BRD9: variants seen among roughly 807,000 people sequenced by gnomAD.
BRD9 encodes bromodomain-containing protein 9.
A neutral mutation model predicts 68.7 loss-of-function variants in BRD9; 47 were observed. The observed-to-expected ratio is 0.68, with a 90% CI of 0.54 to 0.87. The LOEUF is 0.87. BRD9 is among the 40% of genes least tolerant of loss of function. The pLI is 0.00. For missense variants in BRD9, 670 were observed against 748.4 expected, an observed-to-expected ratio of 0.90 and a Z score of 1.22; for synonymous variants, 313 against 293.9, an observed-to-expected ratio of 1.06 and a Z score of -0.67.
At chr5:889,189 C>A in intron 4 of BRD9, 24 bp from the exon 5 acceptor site, 12 of 1,596,932 alleles carry the variant, frequency 7.5e-6, no homozygotes, top group African/African-American at 1.4e-5. Flanking sequence ...CATCTTAAAG[C>A]GGAAAAATCT....
rs775898080 is a variant in BRD9 at position 870,469 on chromosome 5, T to G, written c.1525+4A>C. The G allele has an allele frequency of 2.5e-6, 4 of 1,611,542 alleles. No individual in the cohort carries two copies. The Admixed American group carries it at 6.7e-5, about 27-fold the overall frequency. On this transcript the variant is annotated splice_donor_region_variant and intron_variant, in intron 14 of 15. Coordinates refer to ENST00000467963, the MANE Select transcript of BRD9 (RefSeq NM_023924.5). ...GCTGTGGGAAAGTGCCTGTTACAAC[T>G]CACCCAGAGAGCTGAGCATGGAGAT...
In BRD9 at chr5:883,949, G is replaced by A. The variant is rs776856382; in HGVS notation, c.955C>T (p.Pro319Ser). The change falls in exon 8 of 16, where the codon CCA becomes TCA. Residue 319 changes from proline (P) to serine (S), a missense_variant. Physicochemically the swap from Pro to Ser is moderately conservative, Grantham distance 74 (BLOSUM62 -1). Transcript: ENST00000467963. ...CCACAGAGCACTACCTTGCCGCCTG[G>A]GAGGAACCGGTTGATCCTGTCCCGA... Reference protein sequence around the residue: ...EARDRINRFLPGGKMGYLKRN... With the variant: ...EARDRINRFLSGGKMGYLKRN... 10 of 1,612,300 alleles carry A rather than the reference G, an allele frequency of 6.2e-6. No homozygotes were observed. In the Admixed American group the frequency reaches 1.0e-4, roughly 16 times the overall value.
Position 891,700 on chromosome 5 carries a change from CTTCTTT to C in BRD9, c.201_206del (p.Lys72_Lys73del), listed in dbSNP as rs1293240800. 1.3e-6 allele frequency: 2 copies of C among 1,551,654 alleles called. No individual in the cohort carries two copies. The highest frequency in any genetic ancestry group is 1.4e-5 in the African/African-American group (1 of 73,164). On this transcript the variant is annotated inframe_deletion, in exon 2 of 16. Transcript: ENST00000467963. ...TCTCCTTCTCGGACTTCTTCTTCTT[CTTCTTT>C]TTCTTTTCTTTGTGCCTCTCTCGCT...
rs376872952 is a variant in BRD9 at position 865,461 on chromosome 5, T to A, written c.1646A>T (p.Asn549Ile). 2 of 1,598,176 alleles carry A rather than the reference T, an allele frequency of 1.3e-6. No individual in the cohort carries two copies. The highest frequency in any genetic ancestry group is 1.7e-6 in the Non-Finnish European group (2 of 1,170,212). Reference protein sequence around the residue: ...AERGGSRPSSNLSSLSNASER... With the variant: ...AERGGSRPSSILSSLSNASER... ...GGAGGCGTTGGACAGGGAGCTGAGG[T>A]TGGACGACGGCCGAGAGCCGCCGCG... Residue 549 changes from asparagine (N) to isoleucine (I), a missense_variant, in exon 15 of 16, where the codon AAC becomes ATC. By Grantham distance (149) the Asn-to-Ile change is moderately radical (BLOSUM62 -3). This residue lies in a region of BRD9 where 280 missense variants were observed against 281.5 expected (regional missense o/e 0.99). Transcript: ENST00000467963.
intron 12 of BRD9, 135 bp downstream of exon 12, chr5:875,966 A>G: frequency 8.0e-6 from 5 of 627,068 alleles, no homozygotes; most frequent in Non-Finnish European, 1.4e-5. Context: ...AAGCACGCAG[A>G]TCCTGACGAG....
At chr5:886,519 C>A (rs1752589830) in intron 7 of BRD9, 73 bp downstream of exon 7, 2 of 1,392,802 alleles carry the variant, frequency 1.4e-6, no homozygotes, top group Admixed American at 1.9e-5. Context: ...CTCACTCTCC[C>A]CTACAAGGCA....
chr5:889,761 C>T (rs770358728), intron 3 of BRD9, 114 bp from the exon 4 acceptor site: 41 of 1,538,018 alleles, frequency 2.7e-5, no homozygotes, highest in East Asian at 5.1e-5. Flanking sequence ...TAAGTTCCAC[C>T]GAGAACTGGG....
chr5:872,699 C>G (rs1386077584), intron 12 of BRD9, among the ~76,000 whole-genome samples: 1 of 152,182 alleles, frequency 6.6e-6, no homozygotes, highest in Non-Finnish European at 1.5e-5. Context: ...CCTGCGAGCC[C>G]TCCAAGCATG....
At chr5:874,599 G>A (rs1750632271) in intron 12 of BRD9, among the ~76,000 whole-genome samples, 3 of 152,190 alleles carry the variant, frequency 2.0e-5, no homozygotes, top group South Asian at 2.1e-4. Flanking sequence ...AACCGGAAAC[G>A]GCAGAGGCGA....
chr5:871,838 C>T (rs1304143463), intron 12 of BRD9, among the ~76,000 whole-genome samples: 5 of 152,208 alleles, frequency 3.3e-5, no homozygotes, highest in African/African-American at 9.6e-5. Context: ...AGAGAGAGGA[C>T]GCCGATGCTG....
intron 11 of BRD9, among the ~76,000 whole-genome samples, chr5:877,096 C>G (rs1751061723): frequency 6.6e-6 from 1 of 152,216 alleles, no homozygotes; most frequent in Non-Finnish European, 1.5e-5. Context: ...CTGATGCGTT[C>G]TAGGGACAGA....
chr5:877,967 G>C lies in BRD9; in HGVS notation c.1271+388C>G, dbSNP rs146384130. 5.4e-3 allele frequency among the ~76,000 whole-genome samples: 815 copies of C among 152,274 alleles called. 9 individuals are homozygous for C. Among genetic ancestry groups the C allele is most frequent in the African/African-American group, 0.019 (783 of 41,546 alleles). ...CCTGCAGGCCCAGGAGAGAGGGCTC[G>C]GGAGGAACCAGCCCTGCCCACACCT... On this transcript the variant is annotated intron_variant, in intron 11 of 15. Coordinates refer to ENST00000467963, the MANE Select transcript of BRD9 (RefSeq NM_023924.5).
intron 8 of BRD9, chr5:883,343 A>C (rs1207393454): frequency 4.4e-6 from 2 of 456,852 alleles, no homozygotes; most frequent in Non-Finnish European, 8.8e-6. Flanking sequence ...TGCAAGGATT[A>C]ATGTCACCTG....
At chr5:891,395 C>G (rs1451511655) in intron 2 of BRD9, 108 bp from the exon 3 acceptor site, 2 of 1,445,314 alleles carry the variant, frequency 1.4e-6, no homozygotes, top group Non-Finnish European at 1.8e-6. Context: ...TAAGGGAAAC[C>G]CCCTCCGAGA....
chr5:868,361 C>T (rs1749658586), intron 14 of BRD9, among the ~76,000 whole-genome samples: 3 of 152,344 alleles, frequency 2.0e-5, no homozygotes, highest in African/African-American at 7.2e-5. Flanking sequence ...CAAAGCCCAT[C>T]AGCACCAAGC....
Position 870,497 on chromosome 5 carries a change from C to A in BRD9, c.1501G>T (p.Asp501Tyr). The A allele has an allele frequency of 6.2e-7, 1 of 1,614,116 alleles. No individual in the cohort carries two copies. Among genetic ancestry groups the A allele is most frequent in the Non-Finnish European group, 8.5e-7 (1 of 1,179,974 alleles). Residue 501 changes from aspartate (D) to tyrosine (Y), a missense_variant, in exon 14 of 16, where the codon GAT becomes TAT. This residue lies in a region of BRD9 where 280 missense variants were observed against 281.5 expected (regional missense o/e 0.99). Transcript: ENST00000467963. Reference protein sequence around the residue: ...SMKSYPDVSVDISMLSSLGKV... With the variant: ...SMKSYPDVSVYISMLSSLGKV... ...CCCAGAGAGCTGAGCATGGAGATATCCACAGAAACGTCGGGATAGGACTTC... is the reference window on the plus strand; with the variant it reads ...CCCAGAGAGCTGAGCATGGAGATATACACAGAAACGTCGGGATAGGACTTC...
At chr5:891,974 C>T (rs778710745) in intron 1 of BRD9, 120 bp from the exon 2 acceptor site, 1 of 1,433,668 alleles carries the variant, frequency 7.0e-7, no homozygotes, top group Non-Finnish European at 9.2e-7. Context: ...GGGCTGCCAA[C>T]CAGCAGGGAA....
At chr5:889,333 T>C (rs1015761917) in intron 4 of BRD9, among the ~76,000 whole-genome samples, 168 bp from the exon 5 acceptor site, 2 of 152,120 alleles carry the variant, frequency 1.3e-5, no homozygotes, top group Non-Finnish European at 2.9e-5. Context: ...ATAATAAAAA[T>C]TCCCCCAACG....
chr5:872,964 A>G (rs2150568289), intron 12 of BRD9, among the ~76,000 whole-genome samples: 1 of 152,328 alleles, frequency 6.6e-6, no homozygotes, highest in East Asian at 1.9e-4. Flanking sequence ...CAGGAGTTAA[A>G]GACCAGCCTG....
Sources: gnomAD v4.1 joint callset for allele counts (sites outside exome capture counted in the v4.1 genomes callset) on GRCh38, gnomAD v4.1.1 for gene constraint, gnomAD v4.1.1 regional missense constraint, MANE v1.5 for transcripts, NCBI Gene and HGNC (gene_info 2026-07-23, HGNC 2026-07-21) for gene names.